The following GMDS variants were observed in gnomAD, a reference collection of about 807,000 sequenced individuals.
The protein encoded by GMDS is GDP-mannose 4,6-dehydratase.
A neutral mutation model predicts 49.9 loss-of-function variants in GMDS; 20 were observed. That is an observed-to-expected ratio of 0.40 (90% CI 0.28 to 0.58). GMDS has a LOEUF of 0.58. GMDS is among the 20% of genes least tolerant of loss of function. The probability of loss-of-function intolerance (pLI) is 0.42; values close to 1 mark genes in which losing one functional copy is unlikely to be tolerated. For synonymous variants in GMDS, 177 were observed against 178.6 expected (o/e 0.99, Z 0.07); for missense variants, 362 against 481.4 (o/e 0.75, Z 2.32).
At chr6:1,673,596 A>G (rs1393970069) in intron 9 of GMDS, among the ~76,000 whole-genome samples, 1 of 152,076 alleles carries the variant, frequency 6.6e-6, no homozygotes, top group Non-Finnish European at 1.5e-5. Context: ...ACTCCATGGC[A>G]TGAGTCTACA....
Position 1,677,219 on chromosome 6 carries a change from A to C in GMDS, c.987+49197T>G, listed in dbSNP as rs893286784. Reference sequence around the variant, plus strand: ...GGCCATCAGAGAAATGCAAATCAAAACCACAATGAGATACCATCTCACACC... The same window carrying C: ...GGCCATCAGAGAAATGCAAATCAAACCCACAATGAGATACCATCTCACACC... On this transcript the variant is annotated intron_variant, in intron 9 of 10. Coordinates refer to ENST00000380815, the MANE Select transcript of GMDS (RefSeq NM_001500.4). 6.6e-5 allele frequency among the ~76,000 whole-genome samples: 10 copies of C among 152,224 alleles called. No individual in the cohort carries two copies. The South Asian group carries it at 2.1e-3, about 32-fold the overall frequency.
chr6:1,631,307 CAAAGCAAAGTATCTCGGAGGTA>C (rs1762993938), intron 9 of GMDS, among the ~76,000 whole-genome samples: 2 of 152,108 alleles, frequency 1.3e-5, no homozygotes, highest in Non-Finnish European at 2.9e-5. Context: ...AAGTTCTGTG[CAAAGCAAAGTATCTCGGAGGTA>C]AAAGCTAAAG....
intron 4 of GMDS, among the ~76,000 whole-genome samples, chr6:2,051,280 C>T (rs1443795686): frequency 6.6e-6 from 1 of 152,162 alleles, no homozygotes; most frequent in Admixed American, 6.5e-5. Flanking sequence ...AACCATAAGA[C>T]AGTAAGTTTT....
At chr6:1,684,474 G>C (rs760690357) in intron 9 of GMDS, among the ~76,000 whole-genome samples, 1 of 152,148 alleles carries the variant, frequency 6.6e-6, no homozygotes, top group Non-Finnish European at 1.5e-5. Flanking sequence ...ACGGCTGTGC[G>C]GCAATGCATC....
At chr6:2,131,386 C>T (rs1775731461) in intron 1 of GMDS, among the ~76,000 whole-genome samples, 1 of 152,124 alleles carries the variant, frequency 6.6e-6, no homozygotes, top group Admixed American at 6.5e-5. Context: ...ACAGCACACA[C>T]ACACACAGAT....
intron 7 of GMDS, among the ~76,000 whole-genome samples, chr6:1,797,386 C>T (rs1171311484): frequency 6.6e-6 from 1 of 152,188 alleles, no homozygotes; most frequent in East Asian, 1.9e-4. Context: ...CTCTCACTTC[C>T]TTCTTGAGCT....
chr6:2,142,746 C>T (rs1012076761), intron 1 of GMDS, among the ~76,000 whole-genome samples: 1 of 152,152 alleles, frequency 6.6e-6, no homozygotes, highest in African/African-American at 2.4e-5. Flanking sequence ...AGAGTGGCAA[C>T]TGAAAGGTCA....
chr6:2,076,049 T>C (rs1218974583), intron 4 of GMDS, among the ~76,000 whole-genome samples: 4 of 152,226 alleles, frequency 2.6e-5, no homozygotes, highest in East Asian at 3.8e-4. Context: ...GCTGCATAAA[T>C]GTCTTCTTTT....
chr6:1,854,997 T>G (rs967146866), intron 7 of GMDS, among the ~76,000 whole-genome samples: 1 of 152,192 alleles, frequency 6.6e-6, no homozygotes, highest in African/African-American at 2.4e-5. Flanking sequence ...TGTGTAGTTG[T>G]CAGAAAAAAA....
At chr6:1,775,906 T>C (rs1768811027) in intron 7 of GMDS, among the ~76,000 whole-genome samples, 1 of 152,196 alleles carries the variant, frequency 6.6e-6, no homozygotes, top group African/African-American at 2.4e-5. Flanking sequence ...CTGTCTTTAT[T>C]GTGAAAAAAG....
At chr6:2,228,156 G>A (rs1409811827) in intron 1 of GMDS, among the ~76,000 whole-genome samples, 2 of 152,114 alleles carry the variant, frequency 1.3e-5, no homozygotes, top group Admixed American at 6.5e-5. Flanking sequence ...GGTTCCTCTT[G>A]GATATAAAGT....
chr6:2,055,969 C>A lies in GMDS; in HGVS notation c.345+59802G>T, dbSNP rs774673572. ...GTTTAAAGAAAAGACCAAAGCATTC[C>A]ACTTTATTTTTAATAATTAATACAT... On this transcript the variant is annotated intron_variant, in intron 4 of 10. Transcript: ENST00000380815. Among the ~76,000 whole-genome samples, 112 of 152,028 alleles carry A rather than the reference C, an allele frequency of 7.4e-4. 1 individual carries two copies. The highest frequency in any genetic ancestry group is 1.0e-3 in the Non-Finnish European group (69 of 67,968).
At chr6:2,123,143 A>G (rs1775232644) in intron 2 of GMDS, among the ~76,000 whole-genome samples, 1 of 152,076 alleles carries the variant, frequency 6.6e-6, no homozygotes, top group Admixed American at 6.5e-5. Context: ...TAACACTAAC[A>G]GTACCAGGTG....
intron 1 of GMDS, among the ~76,000 whole-genome samples, chr6:2,208,947 A>T (rs1349119080): frequency 6.6e-6 from 1 of 152,100 alleles, no homozygotes; most frequent in Non-Finnish European, 1.5e-5. Context: ...CTGTCCAAGC[A>T]TAAGAGCAAG....
chr6:1,813,223 TAAA>T (rs56705761), intron 7 of GMDS, among the ~76,000 whole-genome samples: 203 of 85,278 alleles, frequency 2.4e-3, no homozygotes, highest in Middle Eastern at 7.8e-3. Context: ...CTCTGTCTCT[TAAA>T]AAAAAAAAAA....
At chr6:1,673,155 C>A (rs151245404) in intron 9 of GMDS, among the ~76,000 whole-genome samples, 1 of 152,166 alleles carries the variant, frequency 6.6e-6, no homozygotes, top group Non-Finnish European at 1.5e-5. Context: ...GTCACCAATG[C>A]CAGCTCTGTT....
chr6:1,960,908 A>C lies in GMDS; in HGVS notation c.404T>G (p.Leu135Arg). ...ADVDGVGTLRLLDAVKTCGLI... is the reference protein window; with the variant it reads ...ADVDGVGTLRRLDAVKTCGLI... ...GCCACAAGTCTTAACTGCATCTAGA[A>C]GTCGTAGAGTGCCAACTCCGTCAAC... The change falls in exon 5 of 11, where the codon CTT becomes CGT. Residue 135 changes from leucine (L) to arginine (R), a missense_variant. Transcript: ENST00000380815. The C allele has an allele frequency of 6.2e-7, 1 of 1,606,778 alleles. No individual in the cohort carries two copies. The highest frequency in any genetic ancestry group is 8.5e-7 in the Non-Finnish European group (1 of 1,174,224).
At chr6:2,133,146 A>G (rs1381779823) in intron 1 of GMDS, among the ~76,000 whole-genome samples, 3 of 152,172 alleles carry the variant, frequency 2.0e-5, no homozygotes, top group Non-Finnish European at 4.4e-5. Flanking sequence ...GGTACTCTAA[A>G]ACAGAGCTGC....
chr6:2,125,190 T>C (rs1775351560), intron 1 of GMDS, among the ~76,000 whole-genome samples: 1 of 152,194 alleles, frequency 6.6e-6, no homozygotes, highest in Non-Finnish European at 1.5e-5. Flanking sequence ...ATAATCCTGG[T>C]ACTTTGGGAG....
Sources: allele counts gnomAD v4.1 joint callset (sites outside exome capture counted in the v4.1 genomes callset), GRCh38; gene constraint gnomAD v4.1.1; transcripts MANE v1.5; gene names NCBI Gene and HGNC (gene_info 2026-07-23, HGNC 2026-07-21).